The following CYTH1 variants were observed in gnomAD, a reference collection of about 807,000 sequenced individuals.
CYTH1 encodes cytohesin-1.
In CYTH1, 18 loss-of-function variants were observed where a neutral mutation model predicts 61.8. The ratio of observed to expected loss-of-function variants is 0.29; its 90% confidence interval spans 0.20 to 0.43. The LOEUF is 0.43. CYTH1 is among the 20% of genes least tolerant of loss of function. CYTH1 has a pLI of 1.00. For synonymous variants in CYTH1, 174 were observed against 184.3 expected (o/e 0.94, Z 0.45); for missense variants, 336 against 510.5 (o/e 0.66, Z 3.29).
At chr17:78,778,709 T>A (rs2144783868) in intron 1 of CYTH1, among the ~76,000 whole-genome samples, 1 of 151,246 alleles carries the variant, frequency 6.6e-6, no homozygotes, top group Non-Finnish European at 1.5e-5. Context: ...AACCCAACAC[T>A]TTCAGAGGCC....
chr17:78,735,796 C>A (rs1181007801), intron 1 of CYTH1, among the ~76,000 whole-genome samples: 1 of 152,226 alleles, frequency 6.6e-6, no homozygotes, highest in South Asian at 2.1e-4. Context: ...CCAGCTACAA[C>A]CCAGTACGCA....
chr17:78,781,730 T>A (rs762952539), intron 1 of CYTH1, among the ~76,000 whole-genome samples: 115 of 151,144 alleles, frequency 7.6e-4, no homozygotes, highest in Non-Finnish European at 1.4e-3. Context: ...CATCCGCGCG[T>A]CCGCCCCGAG....
chr17:78,711,888 C>G (rs1202419326), intron 1 of CYTH1, among the ~76,000 whole-genome samples: 4 of 151,778 alleles, frequency 2.6e-5, no homozygotes, highest in African/African-American at 9.7e-5. Context: ...CCAGCATGGA[C>G]AACATGGTGA....
intron 1 of CYTH1, among the ~76,000 whole-genome samples, chr17:78,748,949 CG>C (rs2093369284): frequency 6.6e-6 from 1 of 152,160 alleles, no homozygotes; most frequent in South Asian, 2.1e-4. Flanking sequence ...TGAACCAGCG[CG>C]GTCCTGCCAC....
At chr17:78,709,112 T>C (rs779760108) in intron 2 of CYTH1, 1 of 152,710 alleles carries the variant, frequency 6.5e-6, no homozygotes, top group East Asian at 1.9e-4. Context: ...AATTGTAAAA[T>C]TGCTATCACT....
At chr17:78,731,526 G>T (rs950679769) in intron 1 of CYTH1, among the ~76,000 whole-genome samples, 1 of 152,040 alleles carries the variant, frequency 6.6e-6, no homozygotes, top group South Asian at 2.1e-4. Context: ...TTGGGAGGCC[G>T]AGGTGGGCAG....
intron 6 of CYTH1, among the ~76,000 whole-genome samples, chr17:78,701,380 T>C (rs934130510): frequency 1.2e-4 from 19 of 152,212 alleles, no homozygotes; most frequent in Admixed American, 1.2e-3. Flanking sequence ...AAGGATTTTC[T>C]AAACTGAAAA....
At chr17:78,678,415 G>A (rs910863288) in intron 13 of CYTH1, 1 of 152,134 alleles carries the variant, frequency 6.6e-6, no homozygotes, top group Non-Finnish European at 1.5e-5. Flanking sequence ...GGGGGAGCTG[G>A]GTACACTCTA....
At chr17:78,688,473 C>T (rs1243925641) in intron 11 of CYTH1, among the ~76,000 whole-genome samples, 4 of 152,232 alleles carry the variant, frequency 2.6e-5, no homozygotes, top group African/African-American at 7.2e-5. Flanking sequence ...TTTCATCAAT[C>T]TGCCTAGTTA....
chr17:78,729,582 T>C (rs928587064), intron 1 of CYTH1, among the ~76,000 whole-genome samples: 16 of 152,156 alleles, frequency 1.1e-4, no homozygotes, highest in African/African-American at 3.4e-4. Flanking sequence ...TAGCAAAACA[T>C]AAAGAGCACA....
At chr17:78,769,384 C>T (rs1178159642) in intron 1 of CYTH1, among the ~76,000 whole-genome samples, 2 of 152,106 alleles carry the variant, frequency 1.3e-5, no homozygotes, top group Non-Finnish European at 2.9e-5. Context: ...CCTGTCCTCT[C>T]ATTCTCTTTG....
chr17:78,724,937 G>C (rs985944509), intron 1 of CYTH1, among the ~76,000 whole-genome samples: 1 of 152,198 alleles, frequency 6.6e-6, no homozygotes, highest in South Asian at 2.1e-4. Context: ...AGTGTCAAGA[G>C]AGTAGTACTT....
chr17:78,767,597 G>A (rs2051556224), intron 1 of CYTH1, among the ~76,000 whole-genome samples: 1 of 151,674 alleles, frequency 6.6e-6, no homozygotes, highest in Non-Finnish European at 1.5e-5. Context: ...ATGAATAAAC[G>A]GATGGTTGAA....
At chr17:78,698,448 C>T in intron 8 of CYTH1, 68 bp from the exon 9 acceptor site, 1 of 1,265,530 alleles carries the variant, frequency 7.9e-7, no homozygotes, top group Non-Finnish European at 1.1e-6. Context: ...CCTTTCTCTT[C>T]ATTCATTCCA....
chr17:78,714,204 C>T (rs1431606689), intron 1 of CYTH1, among the ~76,000 whole-genome samples: 1 of 152,052 alleles, frequency 6.6e-6, no homozygotes, highest in African/African-American at 2.4e-5. Context: ...ACAAGAGAAT[C>T]GCTTGAACCC....
intron 10 of CYTH1, among the ~76,000 whole-genome samples, chr17:78,694,235 T>C (rs542681364): frequency 2.0e-5 from 3 of 152,360 alleles, no homozygotes; most frequent in South Asian, 2.1e-4. Context: ...TGACTGATCA[T>C]TAATTGCCAA....
intron 1 of CYTH1, among the ~76,000 whole-genome samples, chr17:78,771,713 G>C (rs1485632931): frequency 2.7e-5 from 4 of 147,084 alleles, no homozygotes; most frequent in Non-Finnish European, 4.5e-5. Flanking sequence ...CCTGGTGACA[G>C]AGCGAGATTC....
chr17:78,768,674 C>T (rs2093458528), intron 1 of CYTH1, among the ~76,000 whole-genome samples: 1 of 152,022 alleles, frequency 6.6e-6, no homozygotes, highest in Non-Finnish European at 1.5e-5. Context: ...AGCCTGAATT[C>T]AAGCCCTCAT....
chr17:78,734,219 G>A (rs2093309176), intron 1 of CYTH1, among the ~76,000 whole-genome samples: 1 of 151,160 alleles, frequency 6.6e-6, no homozygotes, highest in Non-Finnish European at 1.5e-5. Flanking sequence ...TCCAGCCTCG[G>A]CAACAGAGCG....
Sources: allele counts gnomAD v4.1 joint callset (sites outside exome capture counted in the v4.1 genomes callset), GRCh38; gene constraint gnomAD v4.1.1; transcripts MANE v1.5; gene names NCBI Gene and HGNC (gene_info 2026-07-23, HGNC 2026-07-21).